The following WDR47 variants were observed in gnomAD, a reference collection of about 807,000 sequenced individuals.
WDR47 encodes the protein WD repeat domain 47.
WDR47 carries 32 observed loss-of-function variants against 97.2 expected under a neutral mutation model. The ratio of observed to expected loss-of-function variants is 0.33; its 90% CI spans 0.25 to 0.44. WDR47 has a LOEUF of 0.44. Ranked by LOEUF, WDR47 falls within the 20% of genes least tolerant of loss-of-function variation. The pLI is 1.00. For missense variants in WDR47, 782 were observed against 1,102.3 expected, an observed-to-expected ratio of 0.71 and a Z score of 4.11; for synonymous variants, 375 against 373.5, an observed-to-expected ratio of 1.00 and a Z score of -0.05.
At chr1:108,977,242 C>T (rs1160165486) in intron 13 of WDR47, among the ~76,000 whole-genome samples, 5 of 152,122 alleles carry the variant, frequency 3.3e-5, no homozygotes, top group Non-Finnish European at 7.4e-5. Context: ...ACCTCCGCCT[C>T]CCAGGTTCAA....
intron 14 of WDR47, among the ~76,000 whole-genome samples, chr1:108,974,267 A>C (rs1657716065): frequency 6.6e-6 from 1 of 152,132 alleles, no homozygotes; most frequent in African/African-American, 2.4e-5. Flanking sequence ...AGGCGGATGG[A>C]TCACTTGAGC....
chr1:109,007,264 T>C (rs1047554657), intron 5 of WDR47, among the ~76,000 whole-genome samples: 7 of 150,098 alleles, frequency 4.7e-5, no homozygotes, highest in Non-Finnish European at 3.0e-5. Context: ...GTATTTCAAG[T>C]AGTACTCTTC....
chr1:109,013,811 G>C, intron 4 of WDR47, 30 bp downstream of exon 4: 1 of 1,607,724 alleles, frequency 6.2e-7, no homozygotes, highest in Non-Finnish European at 8.5e-7. Flanking sequence ...ACAAGACTAG[G>C]GCGCAAACCT....
intron 13 of WDR47, 92 bp downstream of exon 13, chr1:108,981,641 T>C: frequency 7.9e-7 from 1 of 1,264,580 alleles, no homozygotes; most frequent in Non-Finnish European, 1.1e-6. Flanking sequence ...TTTCACAATT[T>C]TTTCTATTTT....
intron 13 of WDR47, among the ~76,000 whole-genome samples, chr1:108,978,211 C>CA (rs374394865): frequency 6.6e-6 from 1 of 150,698 alleles, no homozygotes; most frequent in African/African-American, 2.4e-5. Context: ...CACGGTGGCT[C>CA]ACGCCTGTAA....
At chr1:109,036,879 G>A (rs1229756063) in intron 1 of WDR47, among the ~76,000 whole-genome samples, 1 of 152,122 alleles carries the variant, frequency 6.6e-6, no homozygotes, top group East Asian at 1.9e-4. Context: ...CACTCCAGGT[G>A]TGGTCTGATC....
chr1:109,026,460 C>G (rs1410615279), intron 1 of WDR47, among the ~76,000 whole-genome samples: 1 of 151,962 alleles, frequency 6.6e-6, no homozygotes, highest in Non-Finnish European at 1.5e-5. Flanking sequence ...TTTTAGCATT[C>G]CTCAAATCTT....
chr1:109,032,743 A>G (rs535815401), intron 1 of WDR47, among the ~76,000 whole-genome samples: 15 of 151,900 alleles, frequency 9.9e-5, no homozygotes, highest in African/African-American at 3.6e-4. Context: ...CTAAAAATAC[A>G]TAAATTAACC....
intron 1 of WDR47, among the ~76,000 whole-genome samples, chr1:109,028,006 G>A (rs1184058766): frequency 6.6e-6 from 1 of 152,120 alleles, no homozygotes; most frequent in Non-Finnish European, 1.5e-5. Flanking sequence ...TCCTCTGGGG[G>A]AGCTATAAAT....
At chr1:108,999,678 TA>T (rs879553648) in intron 7 of WDR47, among the ~76,000 whole-genome samples, 596 of 134,310 alleles carry the variant, frequency 4.4e-3, no homozygotes, top group Non-Finnish European at 3.9e-3. Context: ...TGTCTCAAAT[TA>T]AAAAAAAAAA....
intron 1 of WDR47, among the ~76,000 whole-genome samples, chr1:109,029,875 C>CAAAA (rs1423020814): frequency 1.0e-5 from 1 of 96,086 alleles, no homozygotes; most frequent in African/African-American, 3.9e-5. Flanking sequence ...GACTTCGTCT[C>CAAAA]AAAAAAAAAA....
chr1:109,022,262 A>G (rs1161167546), intron 2 of WDR47, among the ~76,000 whole-genome samples: 1 of 152,144 alleles, frequency 6.6e-6, no homozygotes, highest in Non-Finnish European at 1.5e-5. Flanking sequence ...AATAGATGCA[A>G]AAAAAAGATG....
chr1:109,004,122 A>G (rs753728135), intron 6 of WDR47, among the ~76,000 whole-genome samples: 7 of 151,930 alleles, frequency 4.6e-5, no homozygotes, highest in Non-Finnish European at 7.4e-5. Context: ...AAAATCAGCC[A>G]GGTGTGGTGG....
At chr1:109,015,846 A>AGCG (rs1316798789) in intron 3 of WDR47, among the ~76,000 whole-genome samples, 2 of 151,424 alleles carry the variant, frequency 1.3e-5, no homozygotes, top group African/African-American at 4.8e-5. Context: ...AGCTAGGCAC[A>AGCG]GTGGTGCATG....
At chr1:109,001,444 A>G (rs566644248) in intron 7 of WDR47, among the ~76,000 whole-genome samples, 1 of 152,264 alleles carries the variant, frequency 6.6e-6, no homozygotes, top group East Asian at 1.9e-4. Flanking sequence ...CAGCAAATCA[A>G]AAAAAATCTG....
Position 109,011,331 on chromosome 1 carries a change from C to T in WDR47, c.715G>A (p.Asp239Asn). Reference protein sequence around the residue: ...IDLLCGNGCDDLDLSLLSWLQ... With the variant: ...IDLLCGNGCDNLDLSLLSWLQ... ...CATGACAGTAAACTCAGATCCAAAT[C>T]ATCACAACCATTACCACATAAGAGG... Residue 239 changes from aspartate (D) to asparagine (N), a missense_variant, in exon 5 of 15, where the codon GAT becomes AAT. Around this residue, in one of 3 missense-constraint regions of WDR47, gnomAD observed 428 missense variants for 584.3 expected, o/e 0.73. Transcript: ENST00000369962. 1 of 1,614,216 alleles carries T rather than the reference C, an allele frequency of 6.2e-7. No individual in the cohort carries two copies.
intron 1 of WDR47, among the ~76,000 whole-genome samples, chr1:109,029,247 G>A (rs371469751): frequency 3.3e-5 from 5 of 152,022 alleles, no homozygotes; most frequent in African/African-American, 4.8e-5. Flanking sequence ...AGAAACTGCC[G>A]GGCGCAGTGG....
At chr1:108,997,900 G>A (rs903665541) in intron 7 of WDR47, among the ~76,000 whole-genome samples, 9 of 152,014 alleles carry the variant, frequency 5.9e-5, no homozygotes, top group African/African-American at 1.7e-4. Flanking sequence ...GACTAACACA[G>A]GGAGTACAAT....
At position 109,023,450 on chromosome 1, in the gene WDR47, G is replaced by T. The variant is rs1428590850; in HGVS notation, c.63C>A (p.Phe21Leu). Residue 21 changes from phenylalanine (F) to leucine (L), a missense_variant, in exon 2 of 15, where the codon TTC becomes TTA. Phe to Leu is a conservative substitution (Grantham distance 22). Around this residue, in one of 3 missense-constraint regions of WDR47, gnomAD observed 428 missense variants for 584.3 expected, o/e 0.73. Transcript: ENST00000369962. ...EVEIIKLILD[F>L]LNSKKLHISM... ...TAATGTGAAGCTTCTTTGAATTCAGGAAGTCCAAAATTAGCTTAATGATTT... is the reference window on the plus strand; with the variant it reads ...TAATGTGAAGCTTCTTTGAATTCAGTAAGTCCAAAATTAGCTTAATGATTT... 1 of 1,613,564 alleles carries T rather than the reference G, an allele frequency of 6.2e-7. No individual in the cohort carries two copies. Among genetic ancestry groups the T allele is most frequent in the Non-Finnish European group, 8.5e-7 (1 of 1,179,726 alleles).
Sources: allele counts gnomAD v4.1 joint callset (sites outside exome capture counted in the v4.1 genomes callset), GRCh38; gene constraint gnomAD v4.1.1; regional missense constraint gnomAD v4.1.1; transcripts MANE v1.5; gene names NCBI Gene and HGNC (gene_info 2026-07-23, HGNC 2026-07-21).